TPRX1: variants seen among roughly 807,000 people sequenced by gnomAD.
TPRX1 encodes the protein tetra-peptide repeat homeobox protein 1.
In TPRX1, 2 loss-of-function variants were observed where a neutral mutation model predicts 8.1. The observed-to-expected ratio is 0.25, with a 90% CI of 0.10 to 0.78. The LOEUF (loss-of-function observed/expected upper bound fraction) is 0.78, where lower values mean the gene tolerates loss of function less well. Among genes scored for constraint, TPRX1 ranks in the 30% least tolerant of loss-of-function variants. The pLI is 0.70. For missense variants in TPRX1, 517 were observed against 586.9 expected (o/e 0.88, Z 1.23); for synonymous variants, 257 against 254.1 (o/e 1.01, Z -0.11).
At chr19:47,806,450 G>T (rs1967735969) in intron 2 of TPRX1, among the ~76,000 whole-genome samples, 1 of 152,090 alleles carries the variant, frequency 6.6e-6, no homozygotes, top group Admixed American at 6.6e-5. Context: ...AACCCGGGAG[G>T]CAGAGGTTGC....
rs559975772 is a variant in TPRX1 at position 47,804,414 on chromosome 19, C to T, written c.152-741G>A. Among the ~76,000 whole-genome samples, 375 of 152,212 alleles carry T rather than the reference C, an allele frequency of 2.5e-3. 1 individual carries two copies. The highest frequency in any genetic ancestry group is 8.7e-3 in the African/African-American group (362 of 41,504). ...CTCCCCCGTCTGCAGGACAGGAAGC[C>T]GCCCGCACAGGCCCAGCCCTTCTCT... On this transcript the variant is annotated intron_variant, in intron 2 of 3. Coordinates refer to ENST00000535759, the Ensembl canonical transcript of TPRX1.
intron 2 of TPRX1, among the ~76,000 whole-genome samples, chr19:47,805,341 G>A (rs912304770): frequency 6.6e-6 from 1 of 152,152 alleles, no homozygotes; most frequent in Non-Finnish European, 1.5e-5. Flanking sequence ...AGGGGGCACA[G>A]GTCTGATGGA....
intron 2 of TPRX1, among the ~76,000 whole-genome samples, chr19:47,809,553 G>C (rs73565738): frequency 2.6e-4 from 39 of 152,278 alleles, no homozygotes; most frequent in African/African-American, 9.1e-4. Context: ...AAAGTGCTGA[G>C]ATTACGGGTG....
intron 2 of TPRX1, among the ~76,000 whole-genome samples, chr19:47,813,195 C>T (rs865821428): frequency 5.3e-4 from 77 of 145,972 alleles, no homozygotes; most frequent in Middle Eastern, 3.8e-3. Flanking sequence ...GGCGGAGTGG[C>T]GTGCTCCTGT....
At chr19:47,807,309 G>T (rs1311957236) in intron 2 of TPRX1, among the ~76,000 whole-genome samples, 1 of 152,060 alleles carries the variant, frequency 6.6e-6, no homozygotes, top group Non-Finnish European at 1.5e-5. Context: ...AGCCCACCTT[G>T]CCTCCCAAAG....
chr19:47,817,662 G>A (rs1967856420), intron 2 of TPRX1, among the ~76,000 whole-genome samples: 4 of 152,128 alleles, frequency 2.6e-5, no homozygotes, highest in Admixed American at 2.6e-4. Context: ...AGATGGATGA[G>A]GTCAGCTTCC....
chr19:47,813,359 A>C (rs1200105819), intron 2 of TPRX1, among the ~76,000 whole-genome samples: 7 of 151,758 alleles, frequency 4.6e-5, no homozygotes, highest in Admixed American at 2.0e-4. Flanking sequence ...ACTCCCCAAA[A>C]GCCCACGACC....
rs1967702125 is a variant in TPRX1, at chr19:47,803,409, G to A, written c.321+95C>T. On this transcript the variant is annotated intron_variant, in intron 3 of 3. Transcript: ENST00000535759. ...GCGGGACCCCTTGCGTGGCAGGGCGGGAGGTGGTCGGGCGGGCCAGGCCCC... is the reference window on the plus strand; with the variant it reads ...GCGGGACCCCTTGCGTGGCAGGGCGAGAGGTGGTCGGGCGGGCCAGGCCCC... The A allele has an allele frequency of 3.9e-5, 26 of 662,824 alleles. No individual in the cohort carries two copies. The South Asian group carries it at 4.2e-4, about 11-fold the overall frequency. The allele number at this position is 662,824 out of a possible 1,614,324, so 41.1% of individuals were successfully genotyped here. A position where few individuals can be genotyped will look rare whatever the true frequency, so the allele number is the denominator to read the frequency against.
chr19:47,803,520 CT>C lies in TPRX1; in HGVS notation c.304del (p.Arg102GlyfsTer16). Reference sequence around the variant, plus strand: ...GGGTCAGACCTGCAGCTGTTGCTCCCTGAGGCTGAGCATCTCCGCCAGATTC... The same window carrying C: ...GGGTCAGACCTGCAGCTGTTGCTCCCGAGGCTGAGCATCTCCGCCAGATTC... On this transcript the variant is annotated frameshift_variant, in exon 3 of 4. Transcript: ENST00000535759. LOFTEE classifies it low-confidence loss of function (END_TRUNC). The C allele has an allele frequency of 6.6e-7, 1 of 1,506,286 alleles. No individual in the cohort carries two copies. Among genetic ancestry groups the C allele is most frequent in the Non-Finnish European group, 9.1e-7 (1 of 1,103,352 alleles). The allele number at this position is 1,506,286 out of a possible 1,614,324, so 93.3% of individuals were successfully genotyped here. A position where few individuals can be genotyped will look rare whatever the true frequency, so the allele number is the denominator to read the frequency against.
At chr19:47,817,210 G>T (rs1967851815) in intron 2 of TPRX1, among the ~76,000 whole-genome samples, 2 of 151,846 alleles carry the variant, frequency 1.3e-5, no homozygotes, top group African/African-American at 4.8e-5. Context: ...AAGGAGGGAG[G>T]TGCCCACAGG....
At chr19:47,809,436 C>T (rs1967763011) in intron 2 of TPRX1, among the ~76,000 whole-genome samples, 1 of 151,960 alleles carries the variant, frequency 6.6e-6, no homozygotes, top group Admixed American at 6.6e-5. Flanking sequence ...GCATGTGCCA[C>T]CACATCTGGC....
intron 2 of TPRX1, among the ~76,000 whole-genome samples, chr19:47,809,110 A>T (rs1342347977): frequency 6.6e-6 from 1 of 152,166 alleles, no homozygotes; most frequent in Non-Finnish European, 1.5e-5. Context: ...CCATGTCTGT[A>T]ATAGGAAAAG....
At chr19:47,804,011 A>C (rs1255433696) in intron 2 of TPRX1, among the ~76,000 whole-genome samples, 3 of 150,472 alleles carry the variant, frequency 2.0e-5, no homozygotes, top group Non-Finnish European at 4.4e-5. Context: ...GGGAGCCGCC[A>C]CCTGCCCAGT....
chr19:47,817,835 G>T (rs1049162626), intron 2 of TPRX1, among the ~76,000 whole-genome samples: 2 of 152,228 alleles, frequency 1.3e-5, no homozygotes, highest in African/African-American at 4.8e-5. Flanking sequence ...CTCCATGCCA[G>T]CTCTTGGCAA....
intron 2 of TPRX1, among the ~76,000 whole-genome samples, chr19:47,807,691 G>A (rs1191061450): frequency 6.6e-6 from 1 of 152,142 alleles, no homozygotes; most frequent in African/African-American, 2.4e-5. Context: ...TATACTTTAA[G>A]TGGGTACTTT....
intron 2 of TPRX1, among the ~76,000 whole-genome samples, chr19:47,809,047 A>T (rs960011972): frequency 6.6e-6 from 1 of 152,100 alleles, no homozygotes; most frequent in Non-Finnish European, 1.5e-5. Context: ...TGCTGAAATA[A>T]ATGTGTCTTG....
intron 2 of TPRX1, among the ~76,000 whole-genome samples, chr19:47,805,275 C>G (rs920905462): frequency 1.3e-5 from 2 of 152,072 alleles, no homozygotes. Flanking sequence ...ATACGGGGCT[C>G]GTGTGCTGGG....
At chr19:47,807,845 G>T (rs1277692730) in intron 2 of TPRX1, among the ~76,000 whole-genome samples, 2 of 151,972 alleles carry the variant, frequency 1.3e-5, no homozygotes, top group Non-Finnish European at 2.9e-5. Flanking sequence ...ATGAAGTGTA[G>T]GTTGGTAAAA....
chr19:47,802,480 G>T, exon 4 of TPRX1: 1 of 1,543,630 alleles, frequency 6.5e-7, no homozygotes, highest in East Asian at 2.5e-5. Context: ...CTGGGATCGG[G>T]CCTGGGTTTG....
Sources: allele counts gnomAD v4.1 joint callset (sites outside exome capture counted in the v4.1 genomes callset), GRCh38; gene constraint gnomAD v4.1.1; transcripts MANE v1.5; gene names NCBI Gene and HGNC (gene_info 2026-07-23, HGNC 2026-07-21).